Variants in MRPL46 observed in about 807,000 individuals in gnomAD.
MRPL46 encodes mitochondrial ribosomal protein L46.
Under a neutral mutation model 31.0 loss-of-function variants are expected in MRPL46, and 26 were observed. The observed-to-expected ratio is 0.84, with a 90% CI of 0.61 to 1.16. The LOEUF is 1.16. Ranked by LOEUF, MRPL46 falls within the 50% of genes most tolerant of loss-of-function variation. The probability of loss-of-function intolerance (pLI) is 0.00; values close to 1 mark genes in which losing one functional copy is unlikely to be tolerated. For missense variants in MRPL46, 395 were observed against 340.0 expected (o/e 1.16, Z -1.27); for synonymous variants, 159 against 141.3 (o/e 1.13, Z -0.89).
Position 88,459,860 on chromosome 15 carries a change from T to G in MRPL46, c.593A>C (p.Asn198Thr), listed in dbSNP as rs149923755. ...TCCTAGGAACTTGGCTTCCATGTTGTTTTCTGAAGAGGGAGGAAAGAAAAA... is the reference window on the plus strand; with the variant it reads ...TCCTAGGAACTTGGCTTCCATGTTGGTTTCTGAAGAGGGAGGAAAGAAAAA... Reference protein sequence around the residue: ...AERTLATLSENNMEAKFLGNA... With the variant: ...AERTLATLSETNMEAKFLGNA... Residue 198 changes from asparagine to threonine, a missense_variant, in exon 4 of 4, where the codon AAC becomes ACC. Transcript: ENST00000312475. The G allele has an allele frequency of 2.2e-5, 36 of 1,613,796 alleles. No homozygotes were observed. Among genetic ancestry groups the G allele is most frequent in the Non-Finnish European group, 3.0e-5 (35 of 1,179,860 alleles).
rs1366062634 is a variant in MRPL46 at position 88,464,713 on chromosome 15, G to C, written c.579C>G (p.Ala193=). ...AGGCAGAAAACCCACCTGAGAGTGTGGCCAGGGTTCGTTCAGCTGTTCCTC... is the reference window on the plus strand; with the variant it reads ...AGGCAGAAAACCCACCTGAGAGTGTCGCCAGGGTTCGTTCAGCTGTTCCTC... ...TLRGTAERTL[A]TLSENNMEAK... is the part of the protein sequence containing the mutation. The change falls in exon 3 of 4, where the codon GCC becomes GCG. Residue 193 remains alanine (A), a synonymous_variant. Coordinates refer to ENST00000312475, the MANE Select transcript of MRPL46 (RefSeq NM_022163.4). 3 of 1,610,178 alleles carry C rather than the reference G, an allele frequency of 1.9e-6. No homozygotes were observed. The highest frequency in any genetic ancestry group is 2.5e-6 in the Non-Finnish European group (3 of 1,177,768).
intron 3 of MRPL46, chr15:88,460,110 AAGTC>A: frequency 2.0e-6 from 1 of 509,378 alleles, no homozygotes; most frequent in Non-Finnish European, 3.5e-6. Flanking sequence ...TTTAGACTGA[AAGTC>A]AGCAACACAG....
At chr15:88,460,113 TC>T in intron 3 of MRPL46, 1 of 503,784 alleles carries the variant, frequency 2.0e-6, no homozygotes, top group Admixed American at 3.5e-5. Flanking sequence ...AGACTGAAAG[TC>T]AGCAACACAG....
Position 88,459,719 on chromosome 15 carries a change from T to C in MRPL46, c.734A>G (p.Gln245Arg). The C allele has an allele frequency of 6.2e-7, 1 of 1,614,192 alleles. No homozygotes were observed. The highest frequency in any genetic ancestry group is 8.5e-7 in the Non-Finnish European group (1 of 1,180,048). ...CACATGATGGCCCTTATTCCCAGCC[T>C]GGGAAAAGTCTCCAGTTAATAGCAG... ...KALLLTGDFS[Q>R]AGNKGHHVWV... The change falls in exon 4 of 4, where the codon CAG becomes CGG. Residue 245 changes from glutamine to arginine, a missense_variant. Coordinates refer to ENST00000312475, the MANE Select transcript of MRPL46 (RefSeq NM_022163.4).
rs866330304 is a variant in MRPL46, at chr15:88,467,304, C to T, written c.74G>A (p.Gly25Asp). Residue 25 changes from glycine (G) to aspartate (D), a missense_variant, in exon 1 of 4, where the codon GGC becomes GAC. By Grantham distance (94) the Gly-to-Asp change is moderately conservative. Transcript: ENST00000312475. ...AGCCAGGCTGCGAGAGCTTAGACTGCCGGCCCAGAGCCTCTCGAACCGCCG... is the reference window on the plus strand; with the variant it reads ...AGCCAGGCTGCGAGAGCTTAGACTGTCGGCCCAGAGCCTCTCGAACCGCCG... The part of the protein sequence containing the change: ...GWRRFERLWA[G>D]SLSSRSLALA... 1 of 1,611,678 alleles carries T rather than the reference C, an allele frequency of 6.2e-7. No individual in the cohort carries two copies. Among genetic ancestry groups the T allele is most frequent in the Non-Finnish European group, 8.5e-7 (1 of 1,179,072 alleles).
At chr15:88,461,454 C>T (rs1254031114) in intron 3 of MRPL46, 1 of 152,034 alleles carries the variant, frequency 6.6e-6, no homozygotes, top group Non-Finnish European at 1.5e-5. Context: ...AGCACATGAA[C>T]AGTTAAGCTC....
intron 1 of MRPL46, among the ~76,000 whole-genome samples, chr15:88,466,464 T>C (rs57596414): frequency 0.046 from 6,963 of 152,298 alleles, 587 homozygotes; most frequent in African/African-American, 0.16. Context: ...ACTTCTGCCT[T>C]ATTCATTACA....
At chr15:88,465,413 C>T (rs949015371) in intron 2 of MRPL46, 174 bp downstream of exon 2, 6 of 651,236 alleles carry the variant, frequency 9.2e-6, no homozygotes. Flanking sequence ...TACCTCTCAC[C>T]CGAAAATAAG....
intron 1 of MRPL46, among the ~76,000 whole-genome samples, 182 bp downstream of exon 1, chr15:88,466,968 A>G (rs2055545101): frequency 6.6e-6 from 1 of 152,228 alleles, no homozygotes; most frequent in South Asian, 2.1e-4. Flanking sequence ...GTCTAAGGTG[A>G]CAATAAACAC....
intron 3 of MRPL46, chr15:88,460,294 G>A (rs987271539): frequency 5.5e-6 from 1 of 180,440 alleles, no homozygotes; most frequent in South Asian, 1.2e-4. Context: ...CTAACTGTTG[G>A]TGAATCAGCC....
At chr15:88,465,188 T>C (rs1478820548) in intron 2 of MRPL46, 7 of 411,978 alleles carry the variant, frequency 1.7e-5, no homozygotes, top group Non-Finnish European at 2.1e-5. Flanking sequence ...ATACTATTAC[T>C]GACTTAACTA....
Position 88,463,239 on chromosome 15 carries a change from G to A in MRPL46, c.589+1464C>T, listed in dbSNP as rs760013784. On this transcript the variant is annotated intron_variant, in intron 3 of 3. Transcript: ENST00000312475. The surrounding 1 kb of genome is among the most constrained non-coding windows in gnomAD (Gnocchi z 5.4). ...AACACACACTGGCTACCGACATTTC[G>A]TTAGCAGGTACTTGTGCTGATGGGA... 4 of 152,214 alleles carry A rather than the reference G, an allele frequency of 2.6e-5. No homozygotes were observed. The highest frequency in any genetic ancestry group is 2.1e-4 in the South Asian group (1 of 4,836). The allele number at this position is 152,214 out of a possible 1,614,324, so 9.4% of individuals were successfully genotyped here.
chr15:88,459,887 C>A, intron 3 of MRPL46, 24 bp from the exon 4 acceptor site: 1 of 1,613,156 alleles, frequency 6.2e-7, no homozygotes, highest in Non-Finnish European at 8.5e-7. Context: ...AAAGAAAAAT[C>A]ACAATTGGAA....
intron 1 of MRPL46, 138 bp downstream of exon 1, chr15:88,467,012 T>G: frequency 4.2e-6 from 4 of 954,180 alleles, no homozygotes; most frequent in Non-Finnish European, 6.2e-6. Context: ...TTGTTGAACA[T>G]CTATGTACCA....
At chr15:88,462,454 C>T (rs1358401215) in intron 3 of MRPL46, 1 of 152,156 alleles carries the variant, frequency 6.6e-6, no homozygotes, top group African/African-American at 2.4e-5. Flanking sequence ...AGCCAATAAA[C>T]ACATGAAGAT....
intron 3 of MRPL46, 186 bp downstream of exon 3, chr15:88,464,517 A>G (rs1407598785): frequency 1.6e-6 from 1 of 613,748 alleles, no homozygotes; most frequent in Non-Finnish European, 2.7e-6. Flanking sequence ...TGGTCTAAAA[A>G]TAAAAATAAA....
At chr15:88,460,676 T>TA (rs1336473839) in intron 3 of MRPL46, 2 of 152,220 alleles carry the variant, frequency 1.3e-5, no homozygotes, top group Non-Finnish European at 2.9e-5. Flanking sequence ...TAACTTTTCA[T>TA]AAAAAATTTA....
intron 3 of MRPL46, chr15:88,460,117 C>G (rs2055464016): frequency 4.0e-6 from 2 of 495,196 alleles, no homozygotes; most frequent in African/African-American, 3.9e-5. Flanking sequence ...TGAAAGTCAG[C>G]AACACAGTTA....
chr15:88,464,951 T>G, intron 2 of MRPL46, 75 bp from the exon 3 acceptor site: 1 of 1,509,778 alleles, frequency 6.6e-7, no homozygotes, highest in Non-Finnish European at 8.9e-7. Context: ...TTTTACAATC[T>G]TCCTTTAAGA....
Sources: allele counts gnomAD v4.1 joint callset (sites outside exome capture counted in the v4.1 genomes callset), GRCh38; gene constraint gnomAD v4.1.1; non-coding constraint Gnocchi (gnomAD v3.1); transcripts MANE v1.5; gene names NCBI Gene and HGNC (gene_info 2026-07-23, HGNC 2026-07-21).